CTNND2: variants seen among roughly 807,000 people sequenced by gnomAD.
CTNND2 encodes the protein catenin delta-2.
A neutral mutation model predicts 144.4 loss-of-function variants in CTNND2; 22 were observed. The ratio of observed to expected loss-of-function variants is 0.15; its 90% confidence interval spans 0.11 to 0.22. CTNND2 has a LOEUF of 0.22. Among genes scored for constraint, CTNND2 ranks in the 10% least tolerant of loss-of-function variants. The probability of loss-of-function intolerance (pLI) is 1.00; values close to 1 mark genes in which losing one functional copy is unlikely to be tolerated. For missense variants in CTNND2, 1,353 were observed against 1,618.8 expected, an observed-to-expected ratio of 0.84 and a Z score of 2.82; for synonymous variants, 751 against 695.6, an observed-to-expected ratio of 1.08 and a Z score of -1.25.
intron 2 of CTNND2, among the ~76,000 whole-genome samples, chr5:11,726,273 C>T (rs949736363): frequency 6.6e-6 from 1 of 152,036 alleles, no homozygotes; most frequent in African/African-American, 2.4e-5. Flanking sequence ...ATCTATATCA[C>T]ATACTCATTA....
At chr5:11,715,616 T>C (rs1786308091) in intron 2 of CTNND2, among the ~76,000 whole-genome samples, 1 of 152,206 alleles carries the variant, frequency 6.6e-6, no homozygotes, top group African/African-American at 2.4e-5. Context: ...CTAGGAGGCC[T>C]TGCCAGGAGT....
intron 2 of CTNND2, among the ~76,000 whole-genome samples, chr5:11,705,417 G>T (rs1785647096): frequency 6.6e-6 from 1 of 152,130 alleles, no homozygotes; most frequent in Admixed American, 6.5e-5. Flanking sequence ...GATGACAGAA[G>T]TAATTCAATA....
chr5:11,706,399 G>C (rs934438334), intron 2 of CTNND2, among the ~76,000 whole-genome samples: 1 of 152,182 alleles, frequency 6.6e-6, no homozygotes, highest in Non-Finnish European at 1.5e-5. Flanking sequence ...CTCAACACCA[G>C]TGCTTTCCAA....
intron 5 of CTNND2, among the ~76,000 whole-genome samples, chr5:11,400,282 A>G (rs1760522288): frequency 6.6e-6 from 1 of 152,160 alleles, no homozygotes; most frequent in African/African-American, 2.4e-5. Flanking sequence ...CTAACATTTC[A>G]CCCAGGGAAA....
intron 1 of CTNND2, among the ~76,000 whole-genome samples, chr5:11,822,405 A>T (rs2126943749): frequency 6.6e-6 from 1 of 152,308 alleles, no homozygotes; most frequent in Admixed American, 6.5e-5. Flanking sequence ...CAATTTTAAG[A>T]TAAAGAACTT....
chr5:11,375,079 C>A (rs1757808614), intron 7 of CTNND2, among the ~76,000 whole-genome samples: 1 of 152,112 alleles, frequency 6.6e-6, no homozygotes, highest in South Asian at 2.1e-4. Context: ...TTTTACATCT[C>A]AACATCCTAA....
At chr5:11,372,487 T>C (rs577500492) in intron 7 of CTNND2, among the ~76,000 whole-genome samples, 2 of 152,302 alleles carry the variant, frequency 1.3e-5, no homozygotes, top group South Asian at 2.1e-4. Context: ...TCTAGTGAAA[T>C]GGATGGAGTG....
intron 1 of CTNND2, among the ~76,000 whole-genome samples, chr5:11,812,122 T>C (rs1213569916): frequency 6.6e-6 from 1 of 152,162 alleles, no homozygotes; most frequent in Admixed American, 6.5e-5. Flanking sequence ...CTTATGAAGC[T>C]TACCTTTAAA....
chr5:11,327,031 C>T (rs1198605204), intron 9 of CTNND2, among the ~76,000 whole-genome samples: 1 of 152,190 alleles, frequency 6.6e-6, no homozygotes, highest in African/African-American at 2.4e-5. Flanking sequence ...ACACACAAGG[C>T]ACCATCCGAT....
intron 3 of CTNND2, among the ~76,000 whole-genome samples, chr5:11,446,651 C>T (rs1007476501): frequency 7.2e-5 from 11 of 152,058 alleles, no homozygotes; most frequent in African/African-American, 2.7e-4. Flanking sequence ...GGAGAAGTGT[C>T]TGTGCTGGGT....
intron 3 of CTNND2, among the ~76,000 whole-genome samples, chr5:11,440,011 G>C (rs1764131746): frequency 1.3e-5 from 2 of 151,840 alleles, no homozygotes; most frequent in African/African-American, 4.8e-5. Context: ...GACAAAGGAG[G>C]GGAATTTCTG....
intron 18 of CTNND2, among the ~76,000 whole-genome samples, chr5:10,996,410 A>AG (rs1167129027): frequency 8.2e-6 from 1 of 121,516 alleles, no homozygotes; most frequent in Non-Finnish European, 1.6e-5. Context: ...AGCAATGAGG[A>AG]GGGGGCAAGA....
intron 3 of CTNND2, among the ~76,000 whole-genome samples, chr5:11,512,842 C>T (rs1002043996): frequency 6.6e-6 from 1 of 152,216 alleles, no homozygotes; most frequent in Non-Finnish European, 1.5e-5. Context: ...ATTCATTACA[C>T]TGGCTTTGAG....
Position 11,385,031 on chromosome 5 carries a change from C to A in CTNND2, c.811G>T (p.Ala271Ser). 1 of 1,205,626 alleles carries A rather than the reference C, an allele frequency of 8.3e-7. No homozygotes were observed. The highest frequency in any genetic ancestry group is 1.0e-6 in the Non-Finnish European group (1 of 975,942). 74.7% of individuals were successfully genotyped at this position (1,205,626 alleles called of 1,614,324 possible). A position where few individuals can be genotyped will look rare whatever the true frequency, so the allele number is the denominator to read the frequency against. The stretch of plus-strand genomic sequence containing the variant: ...TTGGTGGGCGAACCGCCCTGGGGCG[C>A]GGCCAGCGGGGAGCCCCCGCGCGGC... ...APPRGGSPLA[A>S]PQGGSPTKLQ... Residue 271 changes from alanine (A) to serine (S), a missense_variant, in exon 7 of 22, where the codon GCG becomes TCG. Physicochemically the swap from Ala to Ser is moderately conservative, Grantham distance 99 (BLOSUM62 1). Around this residue, in one of 4 missense-constraint regions of CTNND2, gnomAD observed 708 missense variants for 706.4 expected, o/e 1.00. Coordinates refer to ENST00000304623, the MANE Select transcript of CTNND2 (RefSeq NM_001332.4).
intron 3 of CTNND2, among the ~76,000 whole-genome samples, chr5:11,480,906 C>G (rs1411682677): frequency 6.6e-6 from 1 of 151,946 alleles, no homozygotes; most frequent in Non-Finnish European, 1.5e-5. Context: ...GGTAGTCACC[C>G]AAGAGTGCCC....
chr5:10,977,034 G>A (rs546475371), intron 21 of CTNND2, among the ~76,000 whole-genome samples: 1 of 152,340 alleles, frequency 6.6e-6, no homozygotes, highest in Non-Finnish European at 1.5e-5. Flanking sequence ...AGCAATCTGT[G>A]CTTTAACAGC....
At chr5:11,670,217 T>C (rs1783809855) in intron 2 of CTNND2, among the ~76,000 whole-genome samples, 1 of 152,204 alleles carries the variant, frequency 6.6e-6, no homozygotes, top group South Asian at 2.1e-4. Context: ...GAGAACAATG[T>C]ATATACTGTT....
intron 1 of CTNND2, among the ~76,000 whole-genome samples, chr5:11,836,768 G>A (rs568983154): frequency 6.6e-6 from 1 of 152,298 alleles, no homozygotes; most frequent in African/African-American, 2.4e-5. Flanking sequence ...TTTACCGAAG[G>A]TAGGTATATT....
intron 21 of CTNND2, among the ~76,000 whole-genome samples, chr5:10,978,996 G>GTGAGATGCCAGAGAC (rs1382086838): frequency 1.3e-5 from 2 of 152,154 alleles, no homozygotes; most frequent in Admixed American, 6.5e-5. Flanking sequence ...AGAGACCCCT[G>GTGAGATGCCAGAGAC]GCCATGTCAG....
Sources: gnomAD v4.1 joint callset for allele counts (sites outside exome capture counted in the v4.1 genomes callset) on GRCh38, gnomAD v4.1.1 for gene constraint, gnomAD v4.1.1 regional missense constraint, MANE v1.5 for transcripts, NCBI Gene and HGNC (gene_info 2026-07-23, HGNC 2026-07-21) for gene names.